Variants in LGSN observed in about 807,000 individuals in gnomAD.
LGSN encodes lengsin, lens protein with glutamine synthetase domain.
A neutral mutation model predicts 19.5 loss-of-function variants in LGSN; 21 were observed. That is an observed-to-expected ratio of 1.07 (90% CI 0.76 to 1.55). The LOEUF (loss-of-function observed/expected upper bound fraction) is 1.55. LGSN is among the 40% of genes most tolerant of loss of function. The pLI, the probability that LGSN is intolerant of heterozygous loss-of-function variation, is 0.00. For missense variants in LGSN, 673 were observed against 608.5 expected (o/e 1.11, Z -1.12); for synonymous variants, 257 against 215.6 (o/e 1.19, Z -1.68).
At chr6:63,405,705 T>A in the LGSN span, among the ~76,000 whole-genome samples, 5 of 152,178 alleles carry the variant, frequency 3.3e-5, no homozygotes, top group Non-Finnish European at 7.4e-5. Flanking sequence ...ATGGACTAAA[T>A]GCTCCAATTA....
the LGSN span, among the ~76,000 whole-genome samples, chr6:63,339,422 T>C: frequency 6.6e-6 from 1 of 152,232 alleles, no homozygotes; most frequent in Non-Finnish European, 1.5e-5. Context: ...TATCATTATA[T>C]AATGATCTTT....
chr6:63,340,884 G>A, the LGSN span, among the ~76,000 whole-genome samples: 2 of 151,284 alleles, frequency 1.3e-5, no homozygotes, highest in African/African-American at 4.9e-5. Flanking sequence ...ATTGTTATCT[G>A]CACACCTGAT....
At chr6:63,560,591 A>T in the LGSN span, among the ~76,000 whole-genome samples, 1 of 151,736 alleles carries the variant, frequency 6.6e-6, no homozygotes, top group Admixed American at 6.6e-5. Context: ...TTAAGTAAAG[A>T]TGGGTTTTCG....
At chr6:63,299,033 G>A (rs1768089197) in intron 1 of LGSN, among the ~76,000 whole-genome samples, 2 of 152,106 alleles carry the variant, frequency 1.3e-5, no homozygotes, top group Admixed American at 1.3e-4. Flanking sequence ...AGTAAAGTAG[G>A]CTTTTTTCTT....
At chr6:63,408,424 T>C in the LGSN span, among the ~76,000 whole-genome samples, 13 of 145,846 alleles carry the variant, frequency 8.9e-5, no homozygotes, top group Non-Finnish European at 1.8e-4. Flanking sequence ...AAACAAGCAA[T>C]GGGGAAAGGA....
chr6:63,431,296 A>G, the LGSN span, among the ~76,000 whole-genome samples: 72,085 of 152,028 alleles, frequency 0.47, 18,347 homozygotes, highest in Non-Finnish European at 0.54. Context: ...GCCTTGGCCA[A>G]TGTACCTGAC....
chr6:63,508,573 A>C, the LGSN span, among the ~76,000 whole-genome samples: 2 of 152,208 alleles, frequency 1.3e-5, no homozygotes, highest in Non-Finnish European at 2.9e-5. Flanking sequence ...TAAATGATTA[A>C]AAGTCATTAG....
intron 2 of LGSN, among the ~76,000 whole-genome samples, chr6:63,289,915 G>C (rs188221748): frequency 4.6e-4 from 70 of 152,244 alleles, no homozygotes; most frequent in Admixed American, 1.1e-3. Context: ...GCTATGGTGA[G>C]AGCCACCCTG....
the LGSN span, among the ~76,000 whole-genome samples, chr6:63,414,368 C>T: frequency 2.6e-5 from 4 of 152,038 alleles, no homozygotes; most frequent in African/African-American, 7.2e-5. Flanking sequence ...TATAAAGTTT[C>T]AGTTTTGTTA....
intron 2 of LGSN, chr6:63,293,574 AC>A: frequency 3.0e-6 from 1 of 334,440 alleles, no homozygotes; most frequent in Non-Finnish European, 6.0e-6. Flanking sequence ...TCCTCAACCA[AC>A]ATTACATTCT....
chr6:63,386,820 C>T, the LGSN span, among the ~76,000 whole-genome samples: 16 of 152,110 alleles, frequency 1.1e-4, no homozygotes, highest in Non-Finnish European at 5.9e-5. Context: ...AAATAAGGGG[C>T]GGGCATGGTG....
In LGSN at chr6:63,279,735, G is replaced by T. The variant is rs150681830; in HGVS notation, c.*286C>A. Reference sequence around the variant, plus strand: ...AATATATTTATTGCCACCCAAAATTGGATATTCTTATCCAGGTCAACATAC... The same window carrying T: ...AATATATTTATTGCCACCCAAAATTTGATATTCTTATCCAGGTCAACATAC... On this transcript the variant is annotated 3_prime_UTR_variant, in exon 4 of 4. Coordinates refer to ENST00000370657, the MANE Select transcript of LGSN (RefSeq NM_016571.3). 9.9e-4 allele frequency: 201 copies of T among 202,810 alleles called. No homozygotes were observed. The highest frequency in any genetic ancestry group is 1.6e-3 in the Non-Finnish European group (163 of 102,816). The allele number at this position is 202,810 out of a possible 1,614,324, so 12.6% of individuals were successfully genotyped here. A position where few individuals can be genotyped will look rare whatever the true frequency, so the allele number is the denominator to read the frequency against.
chr6:63,280,220 C>T lies in LGSN; in HGVS notation c.1331G>A (p.Ser444Asn), dbSNP rs1378448143. 7 of 1,614,206 alleles carry T rather than the reference C, an allele frequency of 4.3e-6. No homozygotes were observed. Among genetic ancestry groups the T allele is most frequent in the Non-Finnish European group, 5.9e-6 (7 of 1,180,028 alleles). ...SNEVLAGPDE[S>N]TDFYQVEPSE... ...AGGTTCCACTTGGTAAAAGTCTGTG[C>T]TCTCATCTGGACCAGCCAAGACCTC... Residue 444 changes from serine (S) to asparagine (N), a missense_variant, in exon 4 of 4, where the codon AGC (serine) becomes AAC (asparagine). By Grantham distance (46) the Ser-to-Asn change is conservative. Coordinates refer to ENST00000370657, the MANE Select transcript of LGSN (RefSeq NM_016571.3).
the LGSN span, chr6:63,440,745 T>A: frequency 6.5e-6 from 1 of 152,820 alleles, no homozygotes; most frequent in Non-Finnish European, 1.5e-5. Flanking sequence ...TGGAGCCAGG[T>A]CCGTTCAGCC....
chr6:63,325,416 T>A, the LGSN span, among the ~76,000 whole-genome samples: 1 of 152,080 alleles, frequency 6.6e-6, no homozygotes, highest in African/African-American at 2.4e-5. Flanking sequence ...GAGACATAAC[T>A]GATATCACAG....
At chr6:63,371,220 C>T in the LGSN span, among the ~76,000 whole-genome samples, 1 of 152,194 alleles carries the variant, frequency 6.6e-6, no homozygotes, top group Non-Finnish European at 1.5e-5. Context: ...TAGAACATAT[C>T]CTGGGTGCTC....
At chr6:63,334,039 T>C in the LGSN span, among the ~76,000 whole-genome samples, 1 of 152,216 alleles carries the variant, frequency 6.6e-6, no homozygotes, top group Non-Finnish European at 1.5e-5. Context: ...AAAAGTTGAA[T>C]GCCTTTTCTC....
chr6:63,418,697 G>A, the LGSN span, among the ~76,000 whole-genome samples: 1 of 152,152 alleles, frequency 6.6e-6, no homozygotes, highest in African/African-American at 2.4e-5. Flanking sequence ...TTTGTCTCAT[G>A]TATTCCAGAT....
chr6:63,450,024 C>T, the LGSN span, among the ~76,000 whole-genome samples: 2 of 151,940 alleles, frequency 1.3e-5, no homozygotes, highest in Non-Finnish European at 2.9e-5. Flanking sequence ...CCTCATCTTC[C>T]TTAGTAGAAA....
Sources: gnomAD v4.1 joint callset for allele counts (sites outside exome capture counted in the v4.1 genomes callset) on GRCh38, gnomAD v4.1.1 for gene constraint, MANE v1.5 for transcripts, NCBI Gene and HGNC (gene_info 2026-07-23, HGNC 2026-07-21) for gene names.